HDAC10: variants seen among roughly 807,000 people sequenced by gnomAD.
The protein encoded by HDAC10 is histone deacetylase 10.
Under a neutral mutation model 82.3 loss-of-function variants are expected in HDAC10, and 90 were observed. That is an observed-to-expected ratio of 1.09 (90% CI 0.92 to 1.30). The LOEUF is 1.30. HDAC10 is among the 50% of genes most tolerant of loss of function. The pLI is 0.00. For missense variants in HDAC10, 934 were observed against 876.3 expected, an observed-to-expected ratio of 1.07 and a Z score of -0.83; for synonymous variants, 456 against 391.7, an observed-to-expected ratio of 1.16 and a Z score of -1.94.
Position 50,251,146 on chromosome 22 carries a change from A to G in HDAC10, c.-114T>C. On this transcript the variant is annotated 5_prime_UTR_variant, in exon 1 of 20. Coordinates refer to ENST00000216271, the MANE Select transcript of HDAC10 (RefSeq NM_032019.6). ...GAGGCCTGGGACCTGCCTGGGGCGC[A>G]GGCGGGCGGCGGGCACCGGCCTGGG... 1 of 1,174,504 alleles carries G rather than the reference A, an allele frequency of 8.5e-7. No individual in the cohort carries two copies. Among genetic ancestry groups the G allele is most frequent in the Non-Finnish European group, 1.2e-6 (1 of 837,066 alleles). 72.8% of individuals were successfully genotyped at this position (1,174,504 alleles called of 1,614,324 possible).
intron 3 of HDAC10, 111 bp downstream of exon 3, chr22:50,250,316 G>T: frequency 8.0e-7 from 1 of 1,244,272 alleles, no homozygotes; most frequent in Non-Finnish European, 1.2e-6. Flanking sequence ...GCAGGGCAAT[G>T]TCATGTGTAT....
At chr22:50,246,257 G>T in intron 17 of HDAC10, 41 bp downstream of exon 17, 1 of 1,574,342 alleles carries the variant, frequency 6.4e-7, no homozygotes. Flanking sequence ...ACATCCATGG[G>T]CTCCCCAGCA....
intron 18 of HDAC10, 21 bp downstream of exon 18, chr22:50,245,889 C>T: frequency 1.3e-6 from 2 of 1,558,168 alleles, no homozygotes; most frequent in Admixed American, 1.9e-5. Flanking sequence ...CCCCGCAGCA[C>T]CTCCACCCTG....
At position 50,250,878 on chromosome 22, in the gene HDAC10, C is replaced by G. The variant is rs748221994; in HGVS notation, c.87G>C (p.Glu29Asp). 4 of 1,601,276 alleles carry G rather than the reference C, an allele frequency of 2.5e-6. No homozygotes were observed. The highest frequency in any genetic ancestry group is 3.4e-6 in the Non-Finnish European group (4 of 1,174,282). Residue 29 changes from glutamate to aspartate, a missense_variant, in exon 2 of 20, where the codon GAG becomes GAC. Glu to Asp is a conservative substitution (Grantham distance 45). Coordinates refer to ENST00000216271, the MANE Select transcript of HDAC10 (RefSeq NM_032019.6). ...GGCGATCCAGGGCTGCGGTCAGGCG[C>G]TCAGGACGCTCGATCTCGCACTCGG... ...DDPECEIERP[E>D]RLTAALDRLR... is the part of the protein sequence containing the mutation.
In HDAC10 at chr22:50,249,998, G is replaced by C. The variant is rs1165535972; in HGVS notation, c.390-34C>G. 2 of 1,609,392 alleles carry C rather than the reference G, an allele frequency of 1.2e-6. No individual in the cohort carries two copies. The highest frequency in any genetic ancestry group is 2.7e-5 in the African/African-American group (2 of 74,852). On this transcript the variant is annotated intron_variant, in intron 4 of 19. Coordinates refer to ENST00000216271, the MANE Select transcript of HDAC10 (RefSeq NM_032019.6). The surrounding 1 kb of genome is among the most constrained non-coding windows in gnomAD (Gnocchi z 4.4). ...TGAGAGTAGGATTTGGGTCACGTCA[G>C]GGTCGCCCTGGCCCCTCACAGGGCC...
chr22:50,246,705 G>A lies in HDAC10; in HGVS notation c.1545C>T (p.Asp515=), dbSNP rs560426573. Residue 515 remains aspartate, a synonymous_variant, in exon 16 of 20, where the codon GAC becomes GAT. Coordinates refer to ENST00000216271, the MANE Select transcript of HDAC10 (RefSeq NM_032019.6). The part of the protein sequence containing the change: ...RLLCVALGQL[D]RPPDLAHDGR... ...CGTCATGGGCGAGGTCTGGAGGCCG[G>A]TCCAGCTGTCCCAGGGCCACGCACA... 11 of 1,611,970 alleles carry A rather than the reference G, an allele frequency of 6.8e-6. No individual in the cohort carries two copies. In the South Asian group the frequency reaches 1.1e-4, roughly 16 times the overall value.
In HDAC10 at chr22:50,246,322, G is replaced by A. The variant is rs1184633073; in HGVS notation, c.1626C>T (p.Phe542=). The A allele has an allele frequency of 6.2e-7, 1 of 1,613,114 alleles. No homozygotes were observed. Among genetic ancestry groups the A allele is most frequent in the South Asian group, 1.1e-5 (1 of 91,084 alleles). Residue 542 remains phenylalanine, a synonymous_variant, in exon 17 of 20, where the codon TTC becomes TTT. Transcript: ENST00000216271. Reference sequence around the variant, plus strand: ...CCACTGGCAGTGGCGTGGAGACATGGAACATGGATAGGGCAGCCGCCTCCT... The same window carrying A: ...CCACTGGCAGTGGCGTGGAGACATGAAACATGGATAGGGCAGCCGCCTCCT... The part of the protein sequence containing the change: ...RGKEAAALSM[F]HVSTPLPVMT...
Position 50,247,682 on chromosome 22 carries a change from G to T in HDAC10, c.1422+10C>A, listed in dbSNP as rs752897561. The T allele has an allele frequency of 5.8e-6, 9 of 1,554,724 alleles. No individual in the cohort carries two copies. In the African/African-American group the frequency reaches 1.2e-4, roughly 21 times the overall value. On this transcript the variant is annotated intron_variant, in intron 14 of 19. Coordinates refer to ENST00000216271, the MANE Select transcript of HDAC10 (RefSeq NM_032019.6). ...CCACAGCATCCCCAACCCCTCCCAG[G>T]TGCTCCCACCTGCCCATCCAGCATC...
rs2065012829 is a variant in HDAC10, at chr22:50,248,625, G to A, written c.906+37C>T. 1.4e-6 allele frequency: 2 copies of A among 1,479,000 alleles called. No individual in the cohort carries two copies. Among genetic ancestry groups the A allele is most frequent in the African/African-American group, 1.4e-5 (1 of 71,460 alleles). 91.6% of individuals were successfully genotyped at this position (1,479,000 alleles called of 1,614,324 possible). A position where few individuals can be genotyped will look rare whatever the true frequency, so the allele number is the denominator to read the frequency against. ...CCATGCTCCTGACCCCCAGGCCTCTGGCCCAGAGACCCTCCCTGTGTGCCC... is the reference window on the plus strand; with the variant it reads ...CCATGCTCCTGACCCCCAGGCCTCTAGCCCAGAGACCCTCCCTGTGTGCCC... On this transcript the variant is annotated intron_variant, in intron 10 of 19. Coordinates refer to ENST00000216271, the MANE Select transcript of HDAC10 (RefSeq NM_032019.6). The surrounding 1 kb of genome is among the most constrained non-coding windows in gnomAD (Gnocchi z 5.4).
rs750770304 is a variant in HDAC10, at chr22:50,248,234, G to C, written c.1072C>G (p.Gln358Glu). Residue 358 changes from glutamine to glutamate, a missense_variant, in exon 12 of 20, where the codon CAG becomes GAG. Gln to Glu is a conservative substitution (Grantham distance 29). Coordinates refer to ENST00000216271, the MANE Select transcript of HDAC10 (RefSeq NM_032019.6). This position sits in a 1 kb window ranked among gnomAD's most constrained non-coding sequence, Gnocchi z 5.4. ...AAQAPHWKSL[Q>E]QQDVTAVPMS... The stretch of plus-strand genomic sequence containing the variant: ...ACCCGGCCACACTGACCTTGCTGCT[G>C]GAGGCTCTTCCAGTGCGGGGCCTGG... 1.3e-5 allele frequency: 21 copies of C among 1,612,042 alleles called. No individual in the cohort carries two copies. The highest frequency in any genetic ancestry group is 3.3e-4 in the Middle Eastern group (2 of 6,082).
In HDAC10 at chr22:50,245,471, A is replaced by C. The variant is rs984483797; in HGVS notation, c.*36T>G. On this transcript the variant is annotated 3_prime_UTR_variant, in exon 20 of 20. Transcript: ENST00000216271. The stretch of plus-strand genomic sequence containing the variant: ...CCGCGGGGCGCTGGCGTGCGGTGTC[A>C]TTTCTGCGGTGTAAATGCTCCCACC... 1.3e-6 allele frequency: 1 copy of C among 780,676 alleles called. No homozygotes were observed. Among genetic ancestry groups the C allele is most frequent in the East Asian group, 2.5e-5 (1 of 40,386 alleles). The allele number at this position is 780,676 out of a possible 1,614,324, so 48.4% of individuals were successfully genotyped here.
chr22:50,250,953 C>T (rs1306854222), intron 1 of HDAC10, 21 bp downstream of exon 1: 1 of 1,611,450 alleles, frequency 6.2e-7, no homozygotes, highest in Admixed American at 1.7e-5. Flanking sequence ...CCGCACCCCA[C>T]CTCGGCCAGG....
Position 50,247,756 on chromosome 22 carries a change from C to T in HDAC10, c.1358G>A (p.Arg453Gln), listed in dbSNP as rs762501392. Residue 453 changes from arginine to glutamine, a missense_variant, in exon 14 of 20, where the codon CGG becomes CAG. Arg to Gln is a conservative substitution (Grantham distance 43). Coordinates refer to ENST00000216271, the MANE Select transcript of HDAC10 (RefSeq NM_032019.6). ...CCCAAGTGCAGTGAGGGCCTCCTCC[C>T]GGGCCAGGGACTCGTGTGGCCTGTG... ...AWARPHESLAREEALTALGKL... is the reference protein window; with the variant it reads ...AWARPHESLAQEEALTALGKL... The T allele has an allele frequency of 9.9e-6, 16 of 1,608,148 alleles. No individual in the cohort carries two copies. Among genetic ancestry groups the T allele is most frequent in the Admixed American group, 3.3e-5 (2 of 59,902 alleles).
chr22:50,250,808 G>A lies in HDAC10; in HGVS notation c.157C>T (p.Arg53Cys), dbSNP rs773086569. ...CCCAGCTCCTCTTCCGAGGCCTCGCGGGCTGACAACCGCAGACACCTCTGT... is the reference window on the plus strand; with the variant it reads ...CCCAGCTCCTCTTCCGAGGCCTCGCAGGCTGACAACCGCAGACACCTCTGT... ...LEQRCLRLSA[R>C]EASEEELGLV... The change falls in exon 2 of 20, where the codon CGC becomes TGC. Residue 53 changes from arginine to cysteine, a missense_variant. Coordinates refer to ENST00000216271, the MANE Select transcript of HDAC10 (RefSeq NM_032019.6). The A allele has an allele frequency of 5.0e-6, 8 of 1,603,606 alleles. No individual in the cohort carries two copies. The highest frequency in any genetic ancestry group is 4.5e-5 in the South Asian group (4 of 89,830).
At position 50,249,726 on chromosome 22, in the gene HDAC10, G is replaced by A. The variant is rs747376077; in HGVS notation, c.495-23C>T. 2 of 1,612,250 alleles carry A rather than the reference G, an allele frequency of 1.2e-6. No individual in the cohort carries two copies. The highest frequency in any genetic ancestry group is 1.7e-6 in the Non-Finnish European group (2 of 1,179,654). Reference sequence around the variant, plus strand: ...ATCCTGGGTACAGACAGCGCTGGTGGCAAAGGGGCAGGGCCTCCCACCTCC... The same window carrying A: ...ATCCTGGGTACAGACAGCGCTGGTGACAAAGGGGCAGGGCCTCCCACCTCC... On this transcript the variant is annotated intron_variant, in intron 5 of 19. Coordinates refer to ENST00000216271, the MANE Select transcript of HDAC10 (RefSeq NM_032019.6). This position sits in a 1 kb window ranked among gnomAD's most constrained non-coding sequence, Gnocchi z 4.4.
At chr22:50,246,597 G>T in intron 16 of HDAC10, 82 bp downstream of exon 16, 1 of 1,148,714 alleles carries the variant, frequency 8.7e-7, no homozygotes. Flanking sequence ...CCACCCACCC[G>T]TCACCCTGGG....
intron 14 of HDAC10, chr22:50,247,314 G>A (rs2064978653): frequency 3.4e-6 from 1 of 298,396 alleles, no homozygotes; most frequent in Non-Finnish European, 6.2e-6. Context: ...TTTATTTTTT[G>A]TGAAGACAGG....
Position 50,246,920 on chromosome 22 carries a change from G to T in HDAC10, c.1469C>A (p.Thr490Asn). The T allele has an allele frequency of 6.2e-7, 1 of 1,612,330 alleles. No homozygotes were observed. The highest frequency in any genetic ancestry group is 8.5e-7 in the Non-Finnish European group (1 of 1,179,310). ...GCCTCTCCGAACAGCCACATCCAGG[G>T]TGGCTGCTGCAGCAGAGGCTGGAGT... ...AATPASAAAA[T>N]LDVAVRRGLS... Residue 490 changes from threonine to asparagine, a missense_variant, in exon 15 of 20, where the codon ACC becomes AAC. By Grantham distance (65) the Thr-to-Asn change is moderately conservative. Transcript: ENST00000216271.
chr22:50,246,573 T>C (rs1029486544), intron 16 of HDAC10, 106 bp downstream of exon 16: 18 of 1,225,562 alleles, frequency 1.5e-5, no homozygotes, highest in African/African-American at 1.2e-4. Context: ...CTCCATTCAG[T>C]ACCACACAGT....
Sources: gnomAD v4.1 joint callset for allele counts on GRCh38, gnomAD v4.1.1 for gene constraint, Gnocchi (gnomAD v3.1) non-coding constraint, MANE v1.5 for transcripts, NCBI Gene and HGNC (gene_info 2026-07-23, HGNC 2026-07-21) for gene names.